The following INPP5D variants were observed in gnomAD, a reference collection of about 807,000 sequenced individuals.
INPP5D encodes the protein inositol polyphosphate-5-phosphatase D, also known as phosphatidylinositol 3,4,5-trisphosphate 5-phosphatase 1.
INPP5D carries 33 observed loss-of-function variants against 122.9 expected under a neutral mutation model. The observed-to-expected ratio is 0.27, with a 90% CI of 0.20 to 0.36. The LOEUF (loss-of-function observed/expected upper bound fraction) is 0.36. Ranked by LOEUF, INPP5D falls within the 10% of genes least tolerant of loss-of-function variation. The probability of loss-of-function intolerance (pLI) is 1.00; values close to 1 mark genes in which losing one functional copy is unlikely to be tolerated. For missense variants in INPP5D, 1,053 were observed against 1,412.7 expected (o/e 0.75, Z 4.08); for synonymous variants, 584 against 576.2 (o/e 1.01, Z -0.19).
chr2:233,160,594 T>C lies in INPP5D; in HGVS notation c.1138-1130T>C, dbSNP rs1313892520. ...TATGCCCCTTCCAGATGTTTTTTAA[T>C]TTTCTCTTTCTTTCTTCCTTCCCTT... is the stretch of plus-strand genomic sequence containing the variant. On this transcript the variant is annotated intron_variant, in intron 10 of 26. Transcript: ENST00000445964. The surrounding 1 kb of genome is among the most constrained non-coding windows in gnomAD (Gnocchi z 4.2). Among the ~76,000 whole-genome samples the C allele has an allele frequency of 6.6e-6, 1 of 152,130 alleles. No homozygotes were observed. The highest frequency in any genetic ancestry group is 2.4e-5 in the African/African-American group (1 of 41,424).
In INPP5D at chr2:233,128,488, T is replaced by C. The variant is rs10176163; in HGVS notation, c.525-2020T>C. ...ATGGGTAAGCCAGTCCTGTTCAGTA[T>C]TTTTTTTGAGATGGAGTCTCGCTCT... On this transcript the variant is annotated intron_variant, in intron 4 of 26. Coordinates refer to ENST00000445964, the MANE Select transcript of INPP5D (RefSeq NM_001017915.3). The surrounding 1 kb of genome is among the most constrained non-coding windows in gnomAD (Gnocchi z 4.5). Among the ~76,000 whole-genome samples the C allele has an allele frequency of 2.0e-5, 3 of 152,008 alleles. No homozygotes were observed. The highest frequency in any genetic ancestry group is 3.9e-4 in the East Asian group (2 of 5,162).
chr2:233,200,279 A>G (rs1028758440), intron 25 of INPP5D, among the ~76,000 whole-genome samples: 1 of 152,234 alleles, frequency 6.6e-6, no homozygotes, highest in Non-Finnish European at 1.5e-5. Flanking sequence ...TACCTCGTGG[A>G]TACACAAGTG....
intron 6 of INPP5D, 99 bp from the exon 7 acceptor site, chr2:233,146,063 G>T: frequency 1.4e-6 from 1 of 703,800 alleles, no homozygotes; most frequent in South Asian, 1.5e-5. Context: ...GCTGCGGGGA[G>T]GCTGGAATGG....
chr2:233,152,053 G>C (rs1035777252), intron 9 of INPP5D, among the ~76,000 whole-genome samples: 1 of 152,186 alleles, frequency 6.6e-6, no homozygotes, highest in Non-Finnish European at 1.5e-5. Context: ...AGGTAAACCG[G>C]ATGCATGTGT....
At chr2:233,169,567 C>T in intron 14 of INPP5D, 166 bp downstream of exon 14, 1 of 1,044,674 alleles carries the variant, frequency 9.6e-7, no homozygotes, top group Non-Finnish European at 1.4e-6. Context: ...AACTGCAGCA[C>T]CATAGTGACC....
chr2:233,195,389 T>C lies in INPP5D; in HGVS notation c.2597-10T>C. 1 of 1,613,718 alleles carries C rather than the reference T, an allele frequency of 6.2e-7. No individual in the cohort carries two copies. Among genetic ancestry groups the C allele is most frequent in the Non-Finnish European group, 8.5e-7 (1 of 1,179,732 alleles). On this transcript the variant is annotated splice_polypyrimidine_tract_variant and intron_variant, in intron 23 of 26. Coordinates refer to ENST00000445964, the MANE Select transcript of INPP5D (RefSeq NM_001017915.3). The stretch of plus-strand genomic sequence containing the variant: ...CCCTCACATGCTCTTTCCCGTCCCT[T>C]TCCTTCCAGACTTTGTGAAGACGGA...
intron 21 of INPP5D, among the ~76,000 whole-genome samples, chr2:233,186,341 A>G (rs1198827242): frequency 6.6e-6 from 1 of 152,150 alleles, no homozygotes; most frequent in African/African-American, 2.4e-5. Flanking sequence ...GTGCTGGTTC[A>G]TAGAATCGAG....
chr2:233,080,281 G>A (rs1691640227), intron 2 of INPP5D, among the ~76,000 whole-genome samples: 1 of 152,160 alleles, frequency 6.6e-6, no homozygotes, highest in Non-Finnish European at 1.5e-5. Context: ...GCCCGGGAAG[G>A]CCACCCTAAG....
Position 233,177,486 on chromosome 2 carries a change from C to T in INPP5D, c.2071+140C>T, listed in dbSNP as rs143997869. 1.4e-6 allele frequency: 2 copies of T among 1,398,078 alleles called. No individual in the cohort carries two copies. The highest frequency in any genetic ancestry group is 4.8e-5 in the East Asian group (2 of 41,634). 86.6% of individuals were successfully genotyped at this position (1,398,078 alleles called of 1,614,324 possible). A position where few individuals can be genotyped will look rare whatever the true frequency, so the allele number is the denominator to read the frequency against. On this transcript the variant is annotated intron_variant, in intron 18 of 26. Transcript: ENST00000445964. This position sits in a 1 kb window ranked among gnomAD's most constrained non-coding sequence, Gnocchi z 4.2. ...TTCACTGTAACCCTAATCAGGCGACCTGGAAATGTTGATGCTTCCCTGCCT... is the reference window on the plus strand; with the variant it reads ...TTCACTGTAACCCTAATCAGGCGACTTGGAAATGTTGATGCTTCCCTGCCT...
chr2:233,169,850 G>T, intron 14 of INPP5D, 176 bp from the exon 15 acceptor site: 1 of 1,225,418 alleles, frequency 8.2e-7, no homozygotes, highest in Non-Finnish European at 1.1e-6. Context: ...TTGCATCCTG[G>T]CTGTGCCATA....
intron 8 of INPP5D, among the ~76,000 whole-genome samples, chr2:233,146,987 T>G (rs1188471983): frequency 6.6e-6 from 1 of 152,042 alleles, no homozygotes; most frequent in African/African-American, 2.4e-5. Context: ...GTTCTAGACC[T>G]GGTGATTATC....
intron 2 of INPP5D, among the ~76,000 whole-genome samples, chr2:233,086,998 C>G (rs1691869778): frequency 6.6e-6 from 1 of 152,076 alleles, no homozygotes; most frequent in Non-Finnish European, 1.5e-5. Flanking sequence ...TTTCTCTAAC[C>G]CTGACCAGAA....
At chr2:233,120,985 C>A (rs1366933089) in intron 2 of INPP5D, among the ~76,000 whole-genome samples, 1 of 151,804 alleles carries the variant, frequency 6.6e-6, no homozygotes, top group Non-Finnish European at 1.5e-5. Flanking sequence ...AAAAAAAGTT[C>A]TTCGTGCAGG....
In INPP5D at chr2:233,094,510, CCCAAAAAAAAAAAA is replaced by C. The variant is rs1391619259; in HGVS notation, c.198+15113_198+15126del. On this transcript the variant is annotated intron_variant, in intron 2 of 26. Transcript: ENST00000445964. Reference sequence around the variant, plus strand: ...CTTGGGCAATAGAGCAAGACTCCATCCCAAAAAAAAAAAAAAAAAAAAAAAAAAAAAATTCTAAA... The same window carrying C: ...CTTGGGCAATAGAGCAAGACTCCATCAAAAAAAAAAAAAAAAAATTCTAAA... Among the ~76,000 whole-genome samples the C allele has an allele frequency of 5.0e-4, 14 of 27,798 alleles. No homozygotes were observed. In the East Asian group the frequency reaches 6.4e-3, roughly 13 times the overall value. The allele number at this position is 27,798 out of a possible 152,430, so 18.2% of individuals were successfully genotyped here.
At chr2:233,114,036 A>G (rs112395076) in intron 2 of INPP5D, among the ~76,000 whole-genome samples, 46,712 of 151,030 alleles carry the variant, frequency 0.31, 10,458 homozygotes, top group African/African-American at 0.64. Flanking sequence ...TCAGCCTCCC[A>G]AGTAGCTGGG....
At chr2:233,089,375 C>T (rs1691935353) in intron 2 of INPP5D, among the ~76,000 whole-genome samples, 1 of 152,230 alleles carries the variant, frequency 6.6e-6, no homozygotes, top group Admixed American at 6.5e-5. Context: ...GAAACAAAGG[C>T]TCAGATGAGA....
In INPP5D at chr2:233,116,225, G is replaced by GTAGATAGA. The variant is rs1553575234; in HGVS notation, c.199-5859_199-5852dup. ...GTCAGATATATATGTAGATATATAT[G>GTAGATAGA]TAGATAGATAGATAGATAGATAGAT... On this transcript the variant is annotated intron_variant, in intron 2 of 26. Transcript: ENST00000445964. Among the ~76,000 whole-genome samples, 355 of 133,890 alleles carry GTAGATAGA rather than the reference G, an allele frequency of 2.7e-3. 2 individuals are homozygous for GTAGATAGA. Among genetic ancestry groups the GTAGATAGA allele is most frequent in the African/African-American group, 6.1e-3 (196 of 32,046 alleles). 87.8% of individuals were successfully genotyped at this position (133,890 alleles called of 152,430 possible).
At position 233,204,258 on chromosome 2, in the gene INPP5D, C is replaced by G. The variant is rs1695417274; in HGVS notation, c.3108C>G (p.Asp1036Glu). The G allele has an allele frequency of 1.2e-6, 2 of 1,613,420 alleles. No homozygotes were observed. ...SSFPKPAPRK[D>E]QESPKMPRKE... ...TCCCTAAGCCTGCTCCCAGGAAGGACCAGGAATCCCCCAAAATGCCGCGGA... is the reference window on the plus strand; with the variant it reads ...TCCCTAAGCCTGCTCCCAGGAAGGAGCAGGAATCCCCCAAAATGCCGCGGA... Residue 1036 changes from aspartate (D) to glutamate (E), a missense_variant, in exon 26 of 27, where the codon GAC (aspartate) becomes GAG (glutamate). By Grantham distance (45) the Asp-to-Glu change is conservative. Coordinates refer to ENST00000445964, the MANE Select transcript of INPP5D (RefSeq NM_001017915.3).
Position 233,180,494 on chromosome 2 carries a change from T to C in INPP5D, c.2072-1916T>C, listed in dbSNP as rs1694756286. On this transcript the variant is annotated intron_variant, in intron 18 of 26. Coordinates refer to ENST00000445964, the MANE Select transcript of INPP5D (RefSeq NM_001017915.3). Reference sequence around the variant, plus strand: ...CATCCTCTCCTGCCTCACACAGCACTGGACCTCACTGATTTCTTCTTGCCT... The same window carrying C: ...CATCCTCTCCTGCCTCACACAGCACCGGACCTCACTGATTTCTTCTTGCCT... 2.6e-5 allele frequency among the ~76,000 whole-genome samples: 4 copies of C among 152,270 alleles called. 1 individual carries two copies. The Middle Eastern group carries it at 0.01, about 388-fold the overall frequency.
Sources: gnomAD v4.1 joint callset for allele counts (sites outside exome capture counted in the v4.1 genomes callset) on GRCh38, gnomAD v4.1.1 for gene constraint, Gnocchi (gnomAD v3.1) non-coding constraint, MANE v1.5 for transcripts, NCBI Gene and HGNC (gene_info 2026-07-23, HGNC 2026-07-21) for gene names.